Variants in TSPEAR observed in about 807,000 individuals in gnomAD.
The protein encoded by TSPEAR is thrombospondin type laminin G domain and EAR repeats, also known as thrombospondin-type laminin G domain and EAR repeat-containing protein.
In TSPEAR, 69 loss-of-function variants were observed where a neutral mutation model predicts 71.6. The ratio of observed to expected loss-of-function variants is 0.96; its 90% CI spans 0.79 to 1.18. TSPEAR has a LOEUF of 1.18. TSPEAR is among the 50% of genes most tolerant of loss of function. The pLI is 0.00. For missense variants in TSPEAR, 971 were observed against 894.9 expected (o/e 1.09, Z -1.09); for synonymous variants, 402 against 387.2 (o/e 1.04, Z -0.45).
At chr21:44,639,269 C>T (rs971469365) in intron 1 of TSPEAR, among the ~76,000 whole-genome samples, 2 of 152,066 alleles carry the variant, frequency 1.3e-5, no homozygotes, top group African/African-American at 2.4e-5. Context: ...CCAGATGCCA[C>T]GTCGGGGAAG....
At chr21:44,689,735 A>ATTTTTTT (rs1347117943) in intron 1 of TSPEAR, among the ~76,000 whole-genome samples, 1 of 124,172 alleles carries the variant, frequency 8.1e-6, no homozygotes, top group African/African-American at 3.3e-5. Context: ...ATATATATAT[A>ATTTTTTT]TATATTTTGG....
intron 1 of TSPEAR, chr21:44,658,294 G>A (rs781801447): frequency 3.1e-6 from 5 of 1,606,568 alleles, no homozygotes; most frequent in Non-Finnish European, 4.3e-6. Flanking sequence ...GTACACGGGG[G>A]TACACACCTG....
chr21:44,635,345 CAAA>C (rs56054652), intron 1 of TSPEAR, among the ~76,000 whole-genome samples: 2,119 of 83,850 alleles, frequency 0.025, 38 homozygotes, highest in African/African-American at 0.093. Flanking sequence ...GACTCTGTCT[CAAA>C]AAAAAAAAAA....
chr21:44,567,925 C>G lies in TSPEAR; in HGVS notation c.163G>C (p.Gly55Arg), dbSNP rs1281895404. The G allele has an allele frequency of 1.9e-6, 3 of 1,603,474 alleles. No homozygotes were observed. Among genetic ancestry groups the G allele is most frequent in the Non-Finnish European group, 2.6e-6 (3 of 1,173,694 alleles). ...TSGIRIVQVHGARGLQLSVAA... is the reference protein window; with the variant it reads ...TSGIRIVQVHRARGLQLSVAA... ...ACTGAGAGCTGGAGTCCCCGTGCACCGTGAACCTGAACTATCCTGATCCCG... is the reference window on the plus strand; with the variant it reads ...ACTGAGAGCTGGAGTCCCCGTGCACGGTGAACCTGAACTATCCTGATCCCG... The change falls in exon 2 of 12, where the codon GGT (glycine) becomes CGT (arginine). Residue 55 changes from glycine to arginine, a missense_variant. Physicochemically the swap from Gly to Arg is moderately radical, Grantham distance 125. Transcript: ENST00000323084.
chr21:44,521,290 A>G (rs886800083), intron 9 of TSPEAR, among the ~76,000 whole-genome samples: 1 of 152,176 alleles, frequency 6.6e-6, no homozygotes, highest in Admixed American at 6.5e-5. Flanking sequence ...CACAGTCCTC[A>G]GCACACTTGC....
chr21:44,515,285 A>C (rs1466128675), intron 9 of TSPEAR, among the ~76,000 whole-genome samples: 1 of 152,282 alleles, frequency 6.6e-6, no homozygotes, highest in Non-Finnish European at 1.5e-5. Context: ...GGCTCAGGCC[A>C]GGTGGAGAGG....
At chr21:44,508,357 G>T in intron 10 of TSPEAR, 1 of 435,660 alleles carries the variant, frequency 2.3e-6, no homozygotes, top group Non-Finnish European at 3.1e-6. Context: ...CCAGTGCCCA[G>T]GAGGGGCAGG....
At chr21:44,517,274 T>G (rs587744199) in intron 9 of TSPEAR, 1 of 156,416 alleles carries the variant, frequency 6.4e-6, no homozygotes, top group South Asian at 1.9e-4. Context: ...ATCTTCTCAT[T>G]CTGGTTGAGT....
chr21:44,597,676 C>A (rs1284902248), intron 1 of TSPEAR, among the ~76,000 whole-genome samples: 2 of 152,138 alleles, frequency 1.3e-5, no homozygotes, highest in Non-Finnish European at 2.9e-5. Context: ...AGGTGATCTG[C>A]CTGCCCCAGC....
At chr21:44,599,667 G>A (rs1422777356) in intron 1 of TSPEAR, among the ~76,000 whole-genome samples, 16 of 152,220 alleles carry the variant, frequency 1.1e-4, no homozygotes, top group Non-Finnish European at 1.5e-4. Flanking sequence ...TAAAAGTATC[G>A]GATACAATTG....
intron 8 of TSPEAR, among the ~76,000 whole-genome samples, chr21:44,525,285 A>G (rs1440821365): frequency 5.9e-5 from 9 of 152,122 alleles, no homozygotes; most frequent in Admixed American, 2.0e-4. Flanking sequence ...CAGGTAATTT[A>G]GTCAATCAGT....
chr21:44,589,455 C>T (rs1042198253), intron 1 of TSPEAR, among the ~76,000 whole-genome samples: 5 of 152,286 alleles, frequency 3.3e-5, no homozygotes, highest in East Asian at 3.9e-4. Flanking sequence ...TGTACATGGG[C>T]GCACAAATCT....
chr21:44,550,946 A>G, intron 2 of TSPEAR: 5 of 1,503,594 alleles, frequency 3.3e-6, no homozygotes, highest in Non-Finnish European at 4.5e-6. Context: ...AGGTGCAGCA[A>G]GCCGGCTGGC....
intron 9 of TSPEAR, among the ~76,000 whole-genome samples, 177 bp from the exon 10 acceptor site, chr21:44,509,563 G>A (rs939927567): frequency 1.3e-5 from 2 of 151,040 alleles, no homozygotes; most frequent in South Asian, 4.2e-4. Flanking sequence ...GTGAGCGGGC[G>A]CAGAGGTGTG....
chr21:44,571,971 C>T (rs587695154), intron 1 of TSPEAR, among the ~76,000 whole-genome samples: 2 of 152,284 alleles, frequency 1.3e-5, no homozygotes, highest in Admixed American at 6.5e-5. Context: ...CCAGCACTGC[C>T]GGGCAAACGC....
chr21:44,586,058 C>T (rs944290232), intron 1 of TSPEAR, among the ~76,000 whole-genome samples: 24 of 152,360 alleles, frequency 1.6e-4, no homozygotes, highest in African/African-American at 5.8e-4. Context: ...GTCTCTTCCT[C>T]TCCATCCTAG....
In TSPEAR at chr21:44,701,999, A is replaced by G. The variant is rs542002577; in HGVS notation, c.82+9434T>C. ...GTGAGATCCACGTTCTCTGTCTTCT[A>G]TCTCTGAGCCAAGTTCAGAGCCCTG... On this transcript the variant is annotated intron_variant, in intron 1 of 11. Coordinates refer to ENST00000323084, the MANE Select transcript of TSPEAR (RefSeq NM_144991.3). 9.2e-5 allele frequency among the ~76,000 whole-genome samples: 14 copies of G among 152,264 alleles called. No homozygotes were observed. The East Asian group carries it at 1.9e-3, about 21-fold the overall frequency.
intron 9 of TSPEAR, chr21:44,517,625 T>C: frequency 5.2e-6 from 2 of 387,496 alleles, no homozygotes; most frequent in East Asian, 7.3e-5. Context: ...CCACCGTGTG[T>C]GCTCCTTGTC....
At position 44,702,083 on chromosome 21, in the gene TSPEAR, T is replaced by C. The variant is rs1601582636; in HGVS notation, c.82+9350A>G. 5 of 772,314 alleles carry C rather than the reference T, an allele frequency of 6.5e-6. 1 individual carries two copies. 47.8% of individuals were successfully genotyped at this position (772,314 alleles called of 1,614,324 possible). On this transcript the variant is annotated intron_variant, in intron 1 of 11. Transcript: ENST00000323084. The stretch of plus-strand genomic sequence containing the variant: ...CCCTAAGTGCCGTCACACACGTTCC[T>C]ATGAGAGGGAGGCAGGGAAACTTCA...
Sources: gnomAD v4.1 joint callset for allele counts (sites outside exome capture counted in the v4.1 genomes callset) on GRCh38, gnomAD v4.1.1 for gene constraint, MANE v1.5 for transcripts, NCBI Gene and HGNC (gene_info 2026-07-23, HGNC 2026-07-21) for gene names.